Variants in SENP5 observed in about 807,000 individuals in gnomAD.
SENP5 encodes sentrin-specific protease 5.
In SENP5, 21 loss-of-function variants were observed where a neutral mutation model predicts 74.2. That is an observed-to-expected ratio of 0.28 (90% confidence interval 0.20 to 0.41). SENP5 has a LOEUF of 0.41. Ranked by LOEUF, SENP5 falls within the 10% of genes least tolerant of loss-of-function variation. The pLI is 1.00. For synonymous variants in SENP5, 311 were observed against 312.7 expected (o/e 0.99, Z 0.06); for missense variants, 717 against 889.1 (o/e 0.81, Z 2.46).
At chr3:196,924,196 G>A (rs2108863780) in intron 7 of SENP5, among the ~76,000 whole-genome samples, 1 of 152,308 alleles carries the variant, frequency 6.6e-6, no homozygotes, top group Non-Finnish European at 1.5e-5. Context: ...TGTTCACAGA[G>A]TGGGGAAGGA....
At chr3:196,878,401 T>C (rs1222632542) in intron 1 of SENP5, among the ~76,000 whole-genome samples, 1 of 152,146 alleles carries the variant, frequency 6.6e-6, no homozygotes, top group Non-Finnish European at 1.5e-5. Flanking sequence ...AGGGATACCA[T>C]GCATAGTTAA....
At chr3:196,921,317 C>T (rs769882198) in intron 6 of SENP5, among the ~76,000 whole-genome samples, 1 of 152,120 alleles carries the variant, frequency 6.6e-6, no homozygotes, top group Non-Finnish European at 1.5e-5. Flanking sequence ...TCAGCCACCC[C>T]TGTGGACAGT....
At chr3:196,914,564 TAAAAAAAAAAAA>T (rs34724979) in intron 6 of SENP5, 1 of 26,336 alleles carries the variant, frequency 3.8e-5, no homozygotes, top group East Asian at 6.0e-4. Flanking sequence ...AGGTTTGCTT[TAAAAAAAAAAAA>T]AAAAAAAAAA....
chr3:196,907,645 A>G (rs532013437), intron 6 of SENP5, among the ~76,000 whole-genome samples: 89 of 152,206 alleles, frequency 5.8e-4, no homozygotes, highest in Non-Finnish European at 9.0e-4. Context: ...CCTCTAGATC[A>G]GGGGTGTCCA....
At chr3:196,930,645 TCCC>T (rs1204932015) in intron 9 of SENP5, among the ~76,000 whole-genome samples, 165 bp from the exon 10 acceptor site, 1 of 151,972 alleles carries the variant, frequency 6.6e-6, no homozygotes, top group Non-Finnish European at 1.5e-5. Flanking sequence ...CAACCCCCTC[TCCC>T]CCAAGTCTGT....
intron 7 of SENP5, among the ~76,000 whole-genome samples, chr3:196,926,122 C>T (rs1221114640): frequency 6.6e-6 from 1 of 152,206 alleles, no homozygotes; most frequent in Admixed American, 6.5e-5. Context: ...TAGAGATGCT[C>T]AGTACATTTT....
intron 2 of SENP5, among the ~76,000 whole-genome samples, chr3:196,891,644 A>G (rs1238533934): frequency 6.6e-6 from 1 of 152,204 alleles, no homozygotes; most frequent in Non-Finnish European, 1.5e-5. Flanking sequence ...GCTACAAAAA[A>G]TAAAATTATC....
chr3:196,870,627 C>T (rs1279218981), intron 1 of SENP5, among the ~76,000 whole-genome samples: 1 of 151,962 alleles, frequency 6.6e-6, no homozygotes, highest in African/African-American at 2.4e-5. Flanking sequence ...AAGTGATTGT[C>T]CTGTCTCAGC....
chr3:196,887,460 G>A (rs1041884348), intron 2 of SENP5, among the ~76,000 whole-genome samples: 2 of 151,068 alleles, frequency 1.3e-5, no homozygotes, highest in East Asian at 1.9e-4. Flanking sequence ...GATTACAGGC[G>A]TGAGACACCG....
At chr3:196,869,673 T>A (rs1713118979) in intron 1 of SENP5, among the ~76,000 whole-genome samples, 1 of 143,112 alleles carries the variant, frequency 7.0e-6, no homozygotes, top group Admixed American at 7.7e-5. Flanking sequence ...GGCAGGAGAC[T>A]AGCTTGAACC....
intron 7 of SENP5, among the ~76,000 whole-genome samples, chr3:196,926,255 G>A (rs1262837529): frequency 6.6e-6 from 1 of 151,980 alleles, no homozygotes; most frequent in Non-Finnish European, 1.5e-5. Flanking sequence ...AGGCTGAGGC[G>A]GGCGGATCAG....
chr3:196,902,104 T>G (rs1254458003), intron 5 of SENP5, among the ~76,000 whole-genome samples: 2 of 152,214 alleles, frequency 1.3e-5, no homozygotes, highest in African/African-American at 4.8e-5. Context: ...ATTTATTTGT[T>G]TTTATTAAAA....
chr3:196,884,283 G>A (rs1713853042), intron 1 of SENP5, among the ~76,000 whole-genome samples: 1 of 152,188 alleles, frequency 6.6e-6, no homozygotes, highest in African/African-American at 2.4e-5. Context: ...CTCTCACCCA[G>A]TGATGGTTCT....
chr3:196,928,547 G>A (rs911255170), intron 8 of SENP5, among the ~76,000 whole-genome samples: 1 of 152,150 alleles, frequency 6.6e-6, no homozygotes, highest in Non-Finnish European at 1.5e-5. Context: ...GAAAACTGAA[G>A]CCCAGGTGTG....
intron 1 of SENP5, among the ~76,000 whole-genome samples, chr3:196,871,349 G>C (rs188363456): frequency 6.6e-6 from 1 of 152,232 alleles, no homozygotes; most frequent in Admixed American, 6.5e-5. Context: ...ATTCTGACAG[G>C]AGACAAGTAG....
At chr3:196,929,713 C>G (rs1326861573) in intron 9 of SENP5, 30 bp downstream of exon 9, 1 of 1,509,774 alleles carries the variant, frequency 6.6e-7, no homozygotes. Context: ...TCGGAACTTA[C>G]AATGTGTGAA....
intron 2 of SENP5, among the ~76,000 whole-genome samples, chr3:196,889,945 G>T (rs552352891): frequency 6.6e-6 from 1 of 152,142 alleles, no homozygotes; most frequent in Non-Finnish European, 1.5e-5. Context: ...TGTCAGCAAA[G>T]AACAAATCTG....
At chr3:196,885,030 A>G (rs1396447952) in intron 1 of SENP5, 121 bp from the exon 2 acceptor site, 18 of 610,162 alleles carry the variant, frequency 3.0e-5, no homozygotes, top group Admixed American at 1.3e-4. Flanking sequence ...ATTGTGTCCA[A>G]TAGTCTAAAT....
chr3:196,894,621 T>C (rs1454782764), intron 2 of SENP5, among the ~76,000 whole-genome samples: 25 of 152,082 alleles, frequency 1.6e-4, no homozygotes, highest in Non-Finnish European at 7.3e-5. Context: ...AGTGATTTGC[T>C]CTTTTCCCTG....
Sources: allele counts gnomAD v4.1 joint callset (sites outside exome capture counted in the v4.1 genomes callset), GRCh38; gene constraint gnomAD v4.1.1; transcripts MANE v1.5; gene names NCBI Gene and HGNC (gene_info 2026-07-23, HGNC 2026-07-21).